ZNF714: variants seen among roughly 807,000 people sequenced by gnomAD.
ZNF714 encodes zinc finger protein 714.
ZNF714 carries 32 observed loss-of-function variants against 46.2 expected under a neutral mutation model. The ratio of observed to expected loss-of-function variants is 0.69; its 90% CI spans 0.52 to 0.93. ZNF714 has a LOEUF of 0.93. Among genes scored for constraint, ZNF714 ranks in the 40% least tolerant of loss-of-function variants. The pLI, the probability that ZNF714 is intolerant of heterozygous loss-of-function variation, is 0.00. For missense variants in ZNF714, 635 were observed against 646.3 expected (o/e 0.98, Z 0.19); for synonymous variants, 199 against 213.1 (o/e 0.93, Z 0.58).
At position 21,115,369 on chromosome 19, in the gene ZNF714, TAAA is replaced by T; in HGVS notation, c.143-1436_143-1434del. ...CCTAGAAAATAATGTATTTATATGA[TAAA>T]ATTATTATTTATAAAATTACTTTAT... is the stretch of plus-strand genomic sequence containing the variant. On this transcript the variant is annotated intron_variant, in intron 4 of 4. Coordinates refer to ENST00000456283, the MANE Select transcript of ZNF714 (RefSeq NM_182515.4). Among the ~76,000 whole-genome samples, 2 of 152,116 alleles carry T rather than the reference TAAA, an allele frequency of 1.3e-5. 1 individual carries two copies. Among genetic ancestry groups the T allele is most frequent in the South Asian group, 4.1e-4 (2 of 4,832 alleles).
intron 4 of ZNF714, chr19:21,112,989 ATAT>A (rs1443617779): frequency 1.3e-5 from 2 of 151,040 alleles, no homozygotes; most frequent in South Asian, 2.1e-4. Flanking sequence ...TGCTGGGCTA[ATAT>A]TATGTATCTT....
rs775915612 is a variant in ZNF714 at position 21,118,111 on chromosome 19, T to C, written c.1447T>C (p.Cys483Arg). 7.3e-5 allele frequency: 117 copies of C among 1,613,776 alleles called. No homozygotes were observed. The highest frequency in any genetic ancestry group is 6.0e-4 in the Admixed American group (36 of 59,978). Residue 483 changes from cysteine to arginine, a missense_variant, in exon 5 of 5, where the codon TGT (cysteine) becomes CGT (arginine). Coordinates refer to ENST00000456283, the MANE Select transcript of ZNF714 (RefSeq NM_182515.4). The stretch of plus-strand genomic sequence containing the variant: ...TCATACTGGAGAGAAATCTTACAAA[T>C]GTGAAGAATGTGGTAAAGCCTTTAA... ...IIHTGEKSYK[C>R]EECGKAFNQS...
chr19:21,114,093 T>C (rs2082003), intron 4 of ZNF714, among the ~76,000 whole-genome samples: 124,101 of 151,766 alleles, frequency 0.82, 52,724 homozygotes, highest in Middle Eastern at 0.93. Context: ...TTATGTAACG[T>C]ACTTCTTTGT....
chr19:21,094,520 A>C (rs1362607177), intron 2 of ZNF714, among the ~76,000 whole-genome samples: 1 of 152,054 alleles, frequency 6.6e-6, no homozygotes, highest in African/African-American at 2.4e-5. Context: ...CTGCAACCTT[A>C]CCAGCATGTT....
At chr19:21,102,241 T>C (rs1969198836) in intron 4 of ZNF714, among the ~76,000 whole-genome samples, 1 of 152,234 alleles carries the variant, frequency 6.6e-6, no homozygotes, top group Non-Finnish European at 1.5e-5. Flanking sequence ...ATTTCAAACT[T>C]GTCTGTAATT....
chr19:21,100,357 T>A (rs1969148321), intron 4 of ZNF714, among the ~76,000 whole-genome samples: 1 of 151,684 alleles, frequency 6.6e-6, no homozygotes, highest in Non-Finnish European at 1.5e-5. Context: ...ACCCCGTCTC[T>A]ACTAAAAATA....
At chr19:21,106,751 T>G (rs1455947543) in intron 4 of ZNF714, among the ~76,000 whole-genome samples, 1 of 152,152 alleles carries the variant, frequency 6.6e-6, no homozygotes, top group Non-Finnish European at 1.5e-5. Context: ...TTCTGGGCTC[T>G]CCACTCTTTT....
chr19:21,086,919 C>T (rs948566586), intron 2 of ZNF714, among the ~76,000 whole-genome samples: 1 of 152,114 alleles, frequency 6.6e-6, no homozygotes. Context: ...TCAGAGTCTT[C>T]TTGACCCTGA....
rs1185437235 is a variant in ZNF714, at chr19:21,118,380, A to G, written c.*48A>G. 1 of 567,348 alleles carries G rather than the reference A, an allele frequency of 1.8e-6. No individual in the cohort carries two copies. The highest frequency in any genetic ancestry group is 3.1e-5 in the Admixed American group (1 of 32,184). 35.1% of individuals were successfully genotyped at this position (567,348 alleles called of 1,614,324 possible). A position where few individuals can be genotyped will look rare whatever the true frequency, so the allele number is the denominator to read the frequency against. On this transcript the variant is annotated 3_prime_UTR_variant, in exon 5 of 5. Coordinates refer to ENST00000456283, the MANE Select transcript of ZNF714 (RefSeq NM_182515.4). Reference sequence around the variant, plus strand: ...GGCAGGAGAATCATTTGAACCTGGGAGGCAGAGGTTGCAGTGAGCCAAGAT... The same window carrying G: ...GGCAGGAGAATCATTTGAACCTGGGGGGCAGAGGTTGCAGTGAGCCAAGAT...
intron 1 of ZNF714, 111 bp downstream of exon 1, chr19:21,082,459 G>T: frequency 7.2e-6 from 8 of 1,114,280 alleles, no homozygotes; most frequent in Non-Finnish European, 8.8e-6. Flanking sequence ...TACAATCTGC[G>T]CCCGGAGTTC....
chr19:21,116,858 A>T lies in ZNF714; in HGVS notation c.194A>T (p.Asp65Val), dbSNP rs1169876733. The T allele has an allele frequency of 6.2e-7, 1 of 1,612,410 alleles. No homozygotes were observed. ...CTTTGGCCAGAGCAAGACATAAAAG[A>T]TTCTTTTCAACAAGTGATACTGAGA... ...RDLWPEQDIKDSFQQVILRRH... is the reference protein window; with the variant it reads ...RDLWPEQDIKVSFQQVILRRH... Residue 65 changes from aspartate to valine, a missense_variant, in exon 5 of 5, where the codon GAT becomes GTT. Physicochemically the swap from Asp to Val is radical, Grantham distance 152. Coordinates refer to ENST00000456283, the MANE Select transcript of ZNF714 (RefSeq NM_182515.4).
intron 4 of ZNF714, among the ~76,000 whole-genome samples, chr19:21,103,799 G>A (rs1032945406): frequency 3.3e-5 from 5 of 152,004 alleles, no homozygotes; most frequent in Non-Finnish European, 7.4e-5. Context: ...GGGAGATTGA[G>A]GGGAGGATTA....
In ZNF714 at chr19:21,119,943, ACT is replaced by A. The variant is rs1309908495; in HGVS notation, c.*1614_*1615del. Reference sequence around the variant, plus strand: ...GAAAAGTGAATAATGATGTCATTCAACTCTGAAATTCCTGCCGTTTCTTCATT... The same window carrying A: ...GAAAAGTGAATAATGATGTCATTCAACTGAAATTCCTGCCGTTTCTTCATT... On this transcript the variant is annotated 3_prime_UTR_variant, in exon 5 of 5. Transcript: ENST00000456283. 6.6e-6 allele frequency: 1 copy of A among 152,250 alleles called. No homozygotes were observed. The highest frequency in any genetic ancestry group is 6.5e-5 in the Admixed American group (1 of 15,284). The allele number at this position is 152,250 out of a possible 1,614,324, so 9.4% of individuals were successfully genotyped here. A position where few individuals can be genotyped will look rare whatever the true frequency, so the allele number is the denominator to read the frequency against.
Position 21,123,544 on chromosome 19 carries a change from A to G in ZNF714, c.*5212A>G, listed in dbSNP as rs759352122. ...TAATTTTTTTGTATTTTTAGTAGAG[A>G]CGGGATTTCACCATGTTAGCCAGGA... On this transcript the variant is annotated 3_prime_UTR_variant, in exon 5 of 5. Transcript: ENST00000456283. Among the ~76,000 whole-genome samples the G allele has an allele frequency of 5.3e-5, 8 of 152,018 alleles. No individual in the cohort carries two copies. Among genetic ancestry groups the G allele is most frequent in the Non-Finnish European group, 1.0e-4 (7 of 68,000 alleles).
At chr19:21,099,247 C>T (rs11668182) in intron 4 of ZNF714, among the ~76,000 whole-genome samples, 8,371 of 152,098 alleles carry the variant, frequency 0.055, 301 homozygotes, top group Non-Finnish European at 0.087. Flanking sequence ...AGCGTGATCT[C>T]AACTCACTGC....
intron 4 of ZNF714, among the ~76,000 whole-genome samples, chr19:21,115,708 T>A (rs1204260293): frequency 6.6e-6 from 1 of 151,984 alleles, no homozygotes; most frequent in African/African-American, 2.4e-5. Context: ...TTTGAAATTG[T>A]GCTTATATAT....
At chr19:21,110,546 T>G (rs1192525100) in intron 4 of ZNF714, among the ~76,000 whole-genome samples, 1 of 152,190 alleles carries the variant, frequency 6.6e-6, no homozygotes, top group Non-Finnish European at 1.5e-5. Context: ...CTGTAGATTG[T>G]CTGTTCACTC....
At position 21,082,351 on chromosome 19, in the gene ZNF714, G is replaced by A. The variant is rs1968670026; in HGVS notation, c.-177+3G>A. On this transcript the variant is annotated splice_donor_region_variant and intron_variant, in intron 1 of 4. Transcript: ENST00000456283. Reference sequence around the variant, plus strand: ...GGTACCCCGGAAGCCTAGAAATGGTGAGAGTGCCGGGTCCGACATCCCGAG... The same window carrying A: ...GGTACCCCGGAAGCCTAGAAATGGTAAGAGTGCCGGGTCCGACATCCCGAG... 6.9e-7 allele frequency: 1 copy of A among 1,458,138 alleles called. No individual in the cohort carries two copies. Among genetic ancestry groups the A allele is most frequent in the African/African-American group, 1.4e-5 (1 of 72,160 alleles). The allele number at this position is 1,458,138 out of a possible 1,614,324, so 90.3% of individuals were successfully genotyped here.
intron 4 of ZNF714, among the ~76,000 whole-genome samples, chr19:21,110,901 T>C (rs1289532212): frequency 6.6e-6 from 1 of 152,180 alleles, no homozygotes; most frequent in Non-Finnish European, 1.5e-5. Flanking sequence ...GTTGTAGATA[T>C]GCAGTCTTAG....
Sources: allele counts gnomAD v4.1 joint callset (sites outside exome capture counted in the v4.1 genomes callset), GRCh38; gene constraint gnomAD v4.1.1; transcripts MANE v1.5; gene names NCBI Gene and HGNC (gene_info 2026-07-23, HGNC 2026-07-21).